Variants in HHIPL1 observed in about 807,000 individuals in gnomAD.
The protein encoded by HHIPL1 is HHIP like 1, also known as HHIP-like protein 1.
A neutral mutation model predicts 61.8 loss-of-function variants in HHIPL1; 43 were observed. The ratio of observed to expected loss-of-function variants is 0.70; its 90% confidence interval spans 0.55 to 0.90. The LOEUF is 0.90. HHIPL1 is among the 40% of genes least tolerant of loss of function. HHIPL1 has a pLI of 0.00. For synonymous variants in HHIPL1, 482 were observed against 515.8 expected (o/e 0.93, Z 0.89); for missense variants, 1,056 against 1,157.7 (o/e 0.91, Z 1.28).
At chr14:99,628,581 C>CAAAA in the HHIPL1 span, among the ~76,000 whole-genome samples, 17 of 53,608 alleles carry the variant, frequency 3.2e-4, no homozygotes, top group African/African-American at 7.6e-4. Flanking sequence ...AACTCCAACT[C>CAAAA]AAAAAAAAAA....
the HHIPL1 span, among the ~76,000 whole-genome samples, chr14:99,636,079 C>G: frequency 6.6e-6 from 1 of 152,144 alleles, no homozygotes; most frequent in South Asian, 2.1e-4. Flanking sequence ...AATCCGGACC[C>G]CTCCACTCTG....
intron 7 of HHIPL1, among the ~76,000 whole-genome samples, chr14:99,671,043 C>T (rs1299746252): frequency 6.6e-6 from 1 of 152,166 alleles, no homozygotes; most frequent in South Asian, 2.1e-4. Context: ...CTCTCGCTCA[C>T]GGTCTTGTGT....
intron 8 of HHIPL1, 135 bp downstream of exon 8, chr14:99,672,534 G>A (rs960941700): frequency 2.1e-5 from 15 of 698,622 alleles, no homozygotes; most frequent in Middle Eastern, 3.2e-4. Flanking sequence ...CTAGCACTGT[G>A]CCTGGCACAC....
chr14:99,657,006 C>G lies in HHIPL1; in HGVS notation c.909C>G (p.Ile303Met), dbSNP rs1034951291. ...GGCCCTTATCTTCCTTTAGGATAATCCTGGAGGTCAAAGAACCAGCCTCAA... is the reference window on the plus strand; with the variant it reads ...GGCCCTTATCTTCCTTTAGGATAATGCTGGAGGTCAAAGAACCAGCCTCAA... ...NAVDHSSERI[I>M]LEVKEPASNH... is the part of the protein sequence containing the mutation. The change falls in exon 3 of 9, where the codon ATC becomes ATG. Residue 303 changes from isoleucine (I) to methionine (M), a missense_variant. Physicochemically the swap from Ile to Met is conservative, Grantham distance 10 (BLOSUM62 1). Coordinates refer to ENST00000330710, the MANE Select transcript of HHIPL1 (RefSeq NM_001127258.3). 1 of 1,609,184 alleles carries G rather than the reference C, an allele frequency of 6.2e-7. No homozygotes were observed. Among genetic ancestry groups the G allele is most frequent in the South Asian group, 1.1e-5 (1 of 90,318 alleles).
At chr14:99,628,308 G>A in the HHIPL1 span, among the ~76,000 whole-genome samples, 180 of 152,212 alleles carry the variant, frequency 1.2e-3, no homozygotes, top group African/African-American at 4.1e-3. Flanking sequence ...AGCCGGGGGC[G>A]GTGGCTCACG....
At chr14:99,628,345 C>T in the HHIPL1 span, among the ~76,000 whole-genome samples, 1 of 152,066 alleles carries the variant, frequency 6.6e-6, no homozygotes, top group Admixed American at 6.5e-5. Flanking sequence ...TTTGTGAAGC[C>T]GAGACGGGTG....
Position 99,657,104 on chromosome 14 carries a change from C to T in HHIPL1, c.1007C>T (p.Ala336Val). 1.9e-6 allele frequency: 3 copies of T among 1,613,192 alleles called. No homozygotes were observed. The highest frequency in any genetic ancestry group is 2.5e-6 in the Non-Finnish European group (3 of 1,179,708). Reference protein sequence around the residue: ...LYIFTGDGGMAGDPFGTFGNA... With the variant: ...LYIFTGDGGMVGDPFGTFGNA... ...ATCTTCACTGGAGATGGCGGGATGG[C>T]CGGAGACCCCTTTGGGACATTTGGA... Residue 336 changes from alanine (A) to valine (V), a missense_variant, in exon 3 of 9, where the codon GCC becomes GTC. Ala to Val is a moderately conservative substitution (Grantham distance 64). Coordinates refer to ENST00000330710, the MANE Select transcript of HHIPL1 (RefSeq NM_001127258.3).
At chr14:99,631,418 G>A in the HHIPL1 span, among the ~76,000 whole-genome samples, 1 of 152,052 alleles carries the variant, frequency 6.6e-6, no homozygotes, top group Non-Finnish European at 1.5e-5. Flanking sequence ...TGGAGTTAGG[G>A]CTTCCACATA....
At chr14:99,623,053 T>C in the HHIPL1 span, among the ~76,000 whole-genome samples, 1 of 152,208 alleles carries the variant, frequency 6.6e-6, no homozygotes, top group Non-Finnish European at 1.5e-5. Context: ...AAGGTGTCAC[T>C]GCAGAGACGC....
At chr14:99,670,665 A>G (rs1045964435) in intron 7 of HHIPL1, among the ~76,000 whole-genome samples, 1 of 151,916 alleles carries the variant, frequency 6.6e-6, no homozygotes, top group Admixed American at 6.6e-5. Flanking sequence ...CTGAGGTCCC[A>G]TCCATTGTTA....
At chr14:99,621,742 G>T in the HHIPL1 span, among the ~76,000 whole-genome samples, 1 of 95,174 alleles carries the variant, frequency 1.1e-5, no homozygotes, top group African/African-American at 3.9e-5. Flanking sequence ...TTGAGACACA[G>T]TCTTGCTCTG....
At position 99,654,537 on chromosome 14, in the gene HHIPL1, C is replaced by T. The variant is rs565083288; in HGVS notation, c.902+1667C>T. Among the ~76,000 whole-genome samples the T allele has an allele frequency of 2.0e-4, 31 of 152,306 alleles. No homozygotes were observed. The East Asian group carries it at 5.6e-3, about 28-fold the overall frequency. ...GCTATCTAAGAAGCCTGGGAAATGT[C>T]GTTCATAGGAGCTGACCCCCTGCAG... On this transcript the variant is annotated intron_variant, in intron 2 of 8. Coordinates refer to ENST00000330710, the MANE Select transcript of HHIPL1 (RefSeq NM_001127258.3).
chr14:99,622,086 G>A, the HHIPL1 span, among the ~76,000 whole-genome samples: 1 of 152,184 alleles, frequency 6.6e-6, no homozygotes, highest in Non-Finnish European at 1.5e-5. Context: ...GTCAGTTTGT[G>A]CAATTGACCT....
At chr14:99,661,970 G>T (rs1012161875) in intron 5 of HHIPL1, among the ~76,000 whole-genome samples, 5 of 152,114 alleles carry the variant, frequency 3.3e-5, no homozygotes, top group South Asian at 4.1e-4. Context: ...CTTCCCCGGG[G>T]ACCCAGCTTT....
At chr14:99,619,461 C>CAA in the HHIPL1 span, among the ~76,000 whole-genome samples, 22 of 106,768 alleles carry the variant, frequency 2.1e-4, no homozygotes, top group African/African-American at 6.3e-4. Flanking sequence ...GACTCCATCT[C>CAA]AAAAAAAAAA....
At chr14:99,636,778 A>T in the HHIPL1 span, among the ~76,000 whole-genome samples, 1 of 151,884 alleles carries the variant, frequency 6.6e-6, no homozygotes, top group African/African-American at 2.4e-5. Flanking sequence ...GCTTGAGCCC[A>T]GGAGTTTGAG....
chr14:99,606,446 C>T, the HHIPL1 span, among the ~76,000 whole-genome samples: 1 of 152,312 alleles, frequency 6.6e-6, no homozygotes. Flanking sequence ...GAGATCGAAG[C>T]GTAAACGTTG....
At chr14:99,632,622 A>G in the HHIPL1 span, among the ~76,000 whole-genome samples, 1 of 152,156 alleles carries the variant, frequency 6.6e-6, no homozygotes, top group Non-Finnish European at 1.5e-5. Flanking sequence ...AGCCAGGACC[A>G]CAGTGGCGTT....
chr14:99,634,068 A>G, the HHIPL1 span, among the ~76,000 whole-genome samples: 4 of 152,200 alleles, frequency 2.6e-5, no homozygotes, highest in African/African-American at 4.8e-5. Flanking sequence ...GAGGCTGCAG[A>G]GCGTTTCTGC....
Sources: gnomAD v4.1 joint callset for allele counts (sites outside exome capture counted in the v4.1 genomes callset) on GRCh38, gnomAD v4.1.1 for gene constraint, MANE v1.5 for transcripts, NCBI Gene and HGNC (gene_info 2026-07-23, HGNC 2026-07-21) for gene names.